MYO3B: variants seen among roughly 807,000 people sequenced by gnomAD.
MYO3B encodes myosin-IIIb.
Under a neutral mutation model 174.6 loss-of-function variants are expected in MYO3B, and 156 were observed. That is an observed-to-expected ratio of 0.89 (90% CI 0.78 to 1.02). The LOEUF is 1.02. MYO3B is among the 50% of genes least tolerant of loss of function. The pLI, the probability that MYO3B is intolerant of heterozygous loss-of-function variation, is 0.00. For synonymous variants in MYO3B, 563 were observed against 569.1 expected (o/e 0.99, Z 0.15); for missense variants, 1,632 against 1,639.4 (o/e 1.00, Z 0.08).
intron 32 of MYO3B, among the ~76,000 whole-genome samples, chr2:170,578,090 A>C (rs576166578): frequency 6.6e-6 from 1 of 152,346 alleles, no homozygotes; most frequent in African/African-American, 2.4e-5. Context: ...ATAAACAAAC[A>C]TACCTGCTTA....
rs111439927 is a variant in MYO3B, at chr2:170,379,501, G to GT, written c.972-2509dup. ...AACCACTGTACCCAGCCAGTATTTT[G>GT]TTTTTTGATTAACTTCAAGCAAAAT... is the stretch of plus-strand genomic sequence containing the variant. On this transcript the variant is annotated intron_variant, in intron 9 of 34. Transcript: ENST00000408978. Among the ~76,000 whole-genome samples, 1,140 of 152,196 alleles carry GT rather than the reference G, an allele frequency of 7.5e-3. 24 individuals carry two copies. The highest frequency in any genetic ancestry group is 0.026 in the African/African-American group (1,061 of 41,530).
chr2:170,516,409 A>G (rs1298413997), intron 29 of MYO3B, among the ~76,000 whole-genome samples: 1 of 152,020 alleles, frequency 6.6e-6, no homozygotes, highest in African/African-American at 2.4e-5. Context: ...TGGGAGGCCG[A>G]GATGGGCAGA....
At chr2:170,409,897 A>G (rs1479326383) in intron 22 of MYO3B, among the ~76,000 whole-genome samples, 2 of 152,230 alleles carry the variant, frequency 1.3e-5, no homozygotes, top group African/African-American at 2.4e-5. Flanking sequence ...TCTAAATTTT[A>G]AAACGTTCAT....
intron 30 of MYO3B, among the ~76,000 whole-genome samples, chr2:170,542,071 A>G (rs1690147120): frequency 6.6e-6 from 1 of 151,016 alleles, no homozygotes; most frequent in South Asian, 2.1e-4. Flanking sequence ...GACCCCGAAT[A>G]CTACAGAAAC....
chr2:170,645,191 C>G (rs1438899844), intron 32 of MYO3B, among the ~76,000 whole-genome samples: 1 of 152,090 alleles, frequency 6.6e-6, no homozygotes, highest in Non-Finnish European at 1.5e-5. Flanking sequence ...AATATTCAGG[C>G]CGGGGGCAGT....
At position 170,444,676 on chromosome 2, in the gene MYO3B, G is replaced by T. The variant is rs945820435; in HGVS notation, c.2730+630G>T. Among the ~76,000 whole-genome samples the T allele has an allele frequency of 3.9e-5, 6 of 152,246 alleles. No individual in the cohort carries two copies. The East Asian group carries it at 1.2e-3, about 29-fold the overall frequency. ...AACAATTTGGCCACACGTTAATACT[G>T]TTGAATAGTATTCCAAAATTGATAC... On this transcript the variant is annotated intron_variant, in intron 23 of 34. Transcript: ENST00000408978.
intron 32 of MYO3B, among the ~76,000 whole-genome samples, chr2:170,569,523 T>TG (rs1575178563): frequency 6.6e-6 from 1 of 151,604 alleles, no homozygotes; most frequent in East Asian, 1.9e-4. Context: ...GCTGAGTTTT[T>TG]TTTTTTTTTT....
intron 9 of MYO3B, among the ~76,000 whole-genome samples, chr2:170,381,395 C>T (rs894681585): frequency 6.6e-6 from 1 of 152,062 alleles, no homozygotes; most frequent in Non-Finnish European, 1.5e-5. Flanking sequence ...GTATATTGCT[C>T]ATGGGTATCT....
intron 3 of MYO3B, among the ~76,000 whole-genome samples, chr2:170,211,097 C>T (rs908071169): frequency 6.6e-6 from 1 of 152,158 alleles, no homozygotes; most frequent in Non-Finnish European, 1.5e-5. Context: ...CTTTTAATTC[C>T]TGGGGTTCCA....
intron 3 of MYO3B, among the ~76,000 whole-genome samples, chr2:170,210,720 C>T (rs1011289746): frequency 3.3e-5 from 5 of 152,224 alleles, no homozygotes; most frequent in Non-Finnish European, 7.3e-5. Context: ...TATTTGACAA[C>T]ATCTGCATTT....
At chr2:170,258,493 T>C (rs1008027481) in intron 7 of MYO3B, among the ~76,000 whole-genome samples, 1 of 152,020 alleles carries the variant, frequency 6.6e-6, no homozygotes, top group Non-Finnish European at 1.5e-5. Flanking sequence ...TAGAAAAAGC[T>C]TCTGATAAAA....
chr2:170,363,793 T>C (rs2094178789), intron 8 of MYO3B, among the ~76,000 whole-genome samples: 1 of 152,228 alleles, frequency 6.6e-6, no homozygotes, highest in South Asian at 2.1e-4. Flanking sequence ...CATGGCCTTA[T>C]TTCCAGAGTC....
chr2:170,464,744 A>G (rs1013994511), intron 24 of MYO3B, among the ~76,000 whole-genome samples: 3 of 152,160 alleles, frequency 2.0e-5, no homozygotes, highest in African/African-American at 4.8e-5. Context: ...TTGGTTATTT[A>G]TAATTGCTAC....
At chr2:170,371,434 A>C (rs1210005230) in intron 9 of MYO3B, among the ~76,000 whole-genome samples, 1 of 152,034 alleles carries the variant, frequency 6.6e-6, no homozygotes, top group African/African-American at 2.4e-5. Context: ...CATTAAAAAA[A>C]AATACAACCT....
chr2:170,569,927 A>C (rs1002538983), intron 32 of MYO3B, among the ~76,000 whole-genome samples: 1 of 151,668 alleles, frequency 6.6e-6, no homozygotes, highest in Non-Finnish European at 1.5e-5. Context: ...TCTATTCCCT[A>C]AATCCTAGAA....
At chr2:170,230,243 C>T (rs1378518238) in intron 6 of MYO3B, among the ~76,000 whole-genome samples, 1 of 146,586 alleles carries the variant, frequency 6.8e-6, no homozygotes, top group South Asian at 2.2e-4. Flanking sequence ...GATCTTGGCT[C>T]ACTGCAACCT....
At chr2:170,240,911 G>C (rs1240762412) in intron 7 of MYO3B, among the ~76,000 whole-genome samples, 1 of 152,084 alleles carries the variant, frequency 6.6e-6, no homozygotes, top group Admixed American at 6.6e-5. Context: ...TCCTAATTTA[G>C]AACACTTAAG....
intron 32 of MYO3B, among the ~76,000 whole-genome samples, chr2:170,618,399 C>T (rs539500829): frequency 1.3e-5 from 2 of 152,136 alleles, no homozygotes; most frequent in Non-Finnish European, 2.9e-5. Context: ...ACAAGTTGTT[C>T]AGGATGGCTG....
At chr2:170,427,908 C>T (rs181780986) in intron 22 of MYO3B, among the ~76,000 whole-genome samples, 1 of 152,236 alleles carries the variant, frequency 6.6e-6, no homozygotes, top group Admixed American at 6.5e-5. Flanking sequence ...CATTAGCACC[C>T]AGTTTTTCAA....
Sources: gnomAD v4.1 joint callset for allele counts (sites outside exome capture counted in the v4.1 genomes callset) on GRCh38, gnomAD v4.1.1 for gene constraint, MANE v1.5 for transcripts, NCBI Gene and HGNC (gene_info 2026-07-23, HGNC 2026-07-21) for gene names.